Variants in MYCBP2 observed in about 807,000 individuals in gnomAD.
MYCBP2 encodes the protein MYC binding protein 2.
A neutral mutation model predicts 525.3 loss-of-function variants in MYCBP2; 120 were observed. That is an observed-to-expected ratio of 0.23 (90% CI 0.20 to 0.27). The LOEUF is 0.27. Among genes scored for constraint, MYCBP2 ranks in the 10% least tolerant of loss-of-function variants. The probability of loss-of-function intolerance (pLI) is 1.00; values close to 1 mark genes in which losing one functional copy is unlikely to be tolerated. For missense variants in MYCBP2, 4,149 were observed against 5,657.1 expected, an observed-to-expected ratio of 0.73 and a Z score of 8.55; for synonymous variants, 1,894 against 1,955.8, an observed-to-expected ratio of 0.97 and a Z score of 0.83.
chr13:77,125,237 C>G, intron 54 of MYCBP2, 99 bp downstream of exon 54: 1 of 1,427,086 alleles, frequency 7.0e-7, no homozygotes, highest in Non-Finnish European at 9.4e-7. Flanking sequence ...AAAAAGCAAA[C>G]ACACAAAAAA....
intron 15 of MYCBP2, among the ~76,000 whole-genome samples, chr13:77,249,302 C>T (rs1420883428): frequency 6.6e-6 from 1 of 152,072 alleles, no homozygotes; most frequent in Non-Finnish European, 1.5e-5. Context: ...GATATGTAGT[C>T]ACAATTTTAT....
At chr13:77,112,413 A>C (rs2048987490) in intron 55 of MYCBP2, among the ~76,000 whole-genome samples, 1 of 147,510 alleles carries the variant, frequency 6.8e-6, no homozygotes, top group African/African-American at 2.5e-5. Context: ...TTTATATATT[A>C]TATATTATAT....
chr13:77,198,313 C>G (rs1235569315), intron 26 of MYCBP2, among the ~76,000 whole-genome samples: 2 of 152,166 alleles, frequency 1.3e-5, no homozygotes, highest in Non-Finnish European at 2.9e-5. Context: ...GCTTTTTTAG[C>G]ATGTATTCCA....
In MYCBP2 at chr13:77,064,690, A is replaced by G. The variant is rs2039919632; in HGVS notation, c.12597T>C (p.Ile4199=). The G allele has an allele frequency of 6.2e-7, 1 of 1,613,756 alleles. No individual in the cohort carries two copies. The highest frequency in any genetic ancestry group is 1.1e-5 in the South Asian group (1 of 91,076). The change falls in exon 73 of 83, where the codon ATT becomes ATC. Residue 4199 remains isoleucine, a synonymous_variant. Coordinates refer to ENST00000544440, the MANE Select transcript of MYCBP2 (RefSeq NM_015057.5). ...EAWSRVTKNA[I]AETIIALTKM... ...TGGTCAAGGCAATGATGGTTTCTGCAATAGCATTTTTTGTCACTCGGGACC... is the reference window on the plus strand; with the variant it reads ...TGGTCAAGGCAATGATGGTTTCTGCGATAGCATTTTTTGTCACTCGGGACC...
intron 13 of MYCBP2, among the ~76,000 whole-genome samples, chr13:77,258,233 C>T (rs1473342679): frequency 6.6e-6 from 1 of 152,178 alleles, no homozygotes; most frequent in South Asian, 2.1e-4. Flanking sequence ...AGTATATTGA[C>T]ATGAAATTGT....
chr13:77,048,714 A>C (rs2036119511), intron 82 of MYCBP2, among the ~76,000 whole-genome samples: 1 of 152,130 alleles, frequency 6.6e-6, no homozygotes. Flanking sequence ...ATATGTGTGA[A>C]AATGCCCAGG....
intron 78 of MYCBP2, among the ~76,000 whole-genome samples, chr13:77,057,373 A>T (rs2038311721): frequency 6.6e-6 from 1 of 152,232 alleles, no homozygotes; most frequent in Non-Finnish European, 1.5e-5. Flanking sequence ...AAAAAAAGTA[A>T]AATTATTCAA....
intron 21 of MYCBP2, among the ~76,000 whole-genome samples, chr13:77,212,400 T>A (rs532038321): frequency 4.2e-4 from 64 of 152,272 alleles, no homozygotes; most frequent in Non-Finnish European, 6.2e-4. Flanking sequence ...TAAAAAAAAG[T>A]TTGAAATATT....
At chr13:77,204,233 T>C (rs1469861868) in intron 26 of MYCBP2, among the ~76,000 whole-genome samples, 8 of 151,994 alleles carry the variant, frequency 5.3e-5, no homozygotes, top group East Asian at 1.9e-4. Flanking sequence ...AAAAAGTGGG[T>C]GAAGGACATG....
At chr13:77,313,428 A>G (rs1327454333) in intron 1 of MYCBP2, among the ~76,000 whole-genome samples, 1 of 152,102 alleles carries the variant, frequency 6.6e-6, no homozygotes. Flanking sequence ...TCTTTGGATC[A>G]CATACAAAGA....
At chr13:77,263,466 T>C (rs2154339516) in intron 10 of MYCBP2, among the ~76,000 whole-genome samples, 185 bp downstream of exon 10, 1 of 152,130 alleles carries the variant, frequency 6.6e-6, no homozygotes, top group Admixed American at 6.6e-5. Context: ...TCATACTTTG[T>C]TTAAAGACTG....
intron 50 of MYCBP2, among the ~76,000 whole-genome samples, chr13:77,140,627 G>A (rs2054466732): frequency 6.6e-6 from 1 of 152,084 alleles, no homozygotes. Flanking sequence ...CATTGTAAAT[G>A]TTCCACAGCA....
chr13:77,112,385 A>G (rs1436699615), intron 55 of MYCBP2, among the ~76,000 whole-genome samples: 1 of 146,794 alleles, frequency 6.8e-6, no homozygotes, highest in Non-Finnish European at 1.5e-5. Context: ...TATAATATAT[A>G]TTTTATATAG....
chr13:77,164,338 T>A, intron 43 of MYCBP2, 116 bp downstream of exon 43: 1 of 667,796 alleles, frequency 1.5e-6, no homozygotes. Flanking sequence ...CAGTTATTGC[T>A]CATGAATATA....
intron 61 of MYCBP2, 148 bp from the exon 62 acceptor site, chr13:77,087,781 A>C: frequency 1.4e-6 from 1 of 733,430 alleles, no homozygotes; most frequent in Admixed American, 3.1e-5. Context: ...TAGTTTTACT[A>C]TTTGTTTTTC....
At chr13:77,319,221 T>C (rs1277424987) in intron 1 of MYCBP2, among the ~76,000 whole-genome samples, 1 of 152,128 alleles carries the variant, frequency 6.6e-6, no homozygotes, top group African/African-American at 2.4e-5. Flanking sequence ...TGATAGTCAG[T>C]AGGCGAGAGA....
chr13:77,081,678 T>G lies in MYCBP2; in HGVS notation c.11194-27A>C. 1 of 1,567,008 alleles carries G rather than the reference T, an allele frequency of 6.4e-7. No individual in the cohort carries two copies. The highest frequency in any genetic ancestry group is 8.7e-7 in the Non-Finnish European group (1 of 1,154,694). On this transcript the variant is annotated intron_variant, in intron 64 of 82. Transcript: ENST00000544440. This position sits in a 1 kb window ranked among gnomAD's most constrained non-coding sequence, Gnocchi z 4.6. Reference sequence around the variant, plus strand: ...TATCAGAAACAAATATAAGTACTTATGATACTTAAAAGCAAATCTTTCGTG... The same window carrying G: ...TATCAGAAACAAATATAAGTACTTAGGATACTTAAAAGCAAATCTTTCGTG...
In MYCBP2 at chr13:77,267,920, T is replaced by A. The variant is rs2074328758; in HGVS notation, c.1278A>T (p.Arg426Ser). 3 of 1,612,756 alleles carry A rather than the reference T, an allele frequency of 1.9e-6. No homozygotes were observed. The Admixed American group carries it at 5.0e-5, about 27-fold the overall frequency. ...LGYAQGYLLY[R>S]DVNNHSMTAI... ...CTGTCATGCTGTGGTTATTCACATCTCTATATAATAAATAACCCTGATAAC... is the reference window on the plus strand; with the variant it reads ...CTGTCATGCTGTGGTTATTCACATCACTATATAATAAATAACCCTGATAAC... The change falls in exon 8 of 83, where the codon AGA becomes AGT. Residue 426 changes from arginine (R) to serine (S), a missense_variant. Physicochemically the swap from Arg to Ser is moderately radical, Grantham distance 110 (BLOSUM62 -1). This residue lies in a region of MYCBP2 where 262 missense variants were observed against 419.3 expected (regional missense o/e 0.62). Coordinates refer to ENST00000544440, the MANE Select transcript of MYCBP2 (RefSeq NM_015057.5).
At chr13:77,324,958 C>T (rs899579401) in intron 1 of MYCBP2, among the ~76,000 whole-genome samples, 3 of 152,248 alleles carry the variant, frequency 2.0e-5, no homozygotes, top group Non-Finnish European at 4.4e-5. Context: ...AACTGTCTCA[C>T]GTAGTTTTGT....
Sources: gnomAD v4.1 joint callset for allele counts (sites outside exome capture counted in the v4.1 genomes callset) on GRCh38, gnomAD v4.1.1 for gene constraint, gnomAD v4.1.1 regional missense constraint, Gnocchi (gnomAD v3.1) non-coding constraint, MANE v1.5 for transcripts, NCBI Gene and HGNC (gene_info 2026-07-23, HGNC 2026-07-21) for gene names.